Variants in CYS1 observed in about 807,000 individuals in gnomAD.
The protein encoded by CYS1 is cystin 1.
CYS1 carries 5 observed loss-of-function variants against 9.6 expected under a neutral mutation model. The observed-to-expected ratio is 0.52, with a 90% CI of 0.27 to 1.10. The LOEUF (loss-of-function observed/expected upper bound fraction) is 1.10. CYS1 is among the 50% of genes least tolerant of loss of function. The pLI is 0.11. For missense variants in CYS1, 221 were observed against 207.9 expected (o/e 1.06, Z -0.39); for synonymous variants, 88 against 95.7 (o/e 0.92, Z 0.47).
chr2:10,065,854 A>G (rs1361843884), intron 2 of CYS1, 50 bp downstream of exon 2: 3 of 1,601,926 alleles, frequency 1.9e-6, no homozygotes, highest in Non-Finnish European at 2.6e-6. Context: ...GCTGGAGTCA[A>G]CAAAAAGAAC....
chr2:10,058,532 G>A lies in CYS1; in HGVS notation c.*321C>T, dbSNP rs777419628. 1.8e-5 allele frequency: 5 copies of A among 275,440 alleles called. No individual in the cohort carries two copies. Among genetic ancestry groups the A allele is most frequent in the Non-Finnish European group, 3.5e-5 (5 of 143,812 alleles). The allele number at this position is 275,440 out of a possible 1,614,324, so 17.1% of individuals were successfully genotyped here. ...GTCCTCGTGAGCCCTCCCCACTGTGGAGAGCGGGCAACCAAGAGGGGCACG... is the reference window on the plus strand; with the variant it reads ...GTCCTCGTGAGCCCTCCCCACTGTGAAGAGCGGGCAACCAAGAGGGGCACG... On this transcript the variant is annotated 3_prime_UTR_variant, in exon 3 of 3. Transcript: ENST00000381813.
rs1395352748 is a variant in CYS1, at chr2:10,065,788, C to T, written c.371+116G>A. 5 of 1,014,600 alleles carry T rather than the reference C, an allele frequency of 4.9e-6. No individual in the cohort carries two copies. The African/African-American group carries it at 7.9e-5, about 16-fold the overall frequency. 62.8% of individuals were successfully genotyped at this position (1,014,600 alleles called of 1,614,324 possible). A position where few individuals can be genotyped will look rare whatever the true frequency, so the allele number is the denominator to read the frequency against. ...GCTTTGCATTTAGAGGGAGCTGCCT[C>T]TGGAAACCTCGTGAGGACCTGGAGG... is the stretch of plus-strand genomic sequence containing the variant. On this transcript the variant is annotated intron_variant, in intron 2 of 2. Transcript: ENST00000381813.
chr2:10,060,932 G>A (rs1321278503), intron 2 of CYS1, among the ~76,000 whole-genome samples: 1 of 152,130 alleles, frequency 6.6e-6, no homozygotes, highest in Non-Finnish European at 1.5e-5. Flanking sequence ...TGTTAGTTTC[G>A]CAGTGGCTCA....
Position 10,063,900 on chromosome 2 carries a change from A to G in CYS1, c.371+2004T>C, listed in dbSNP as rs1183649261. Among the ~76,000 whole-genome samples, 1 of 152,228 alleles carries G rather than the reference A, an allele frequency of 6.6e-6. No homozygotes were observed. The stretch of plus-strand genomic sequence containing the variant: ...CCCTGGGCACTCCTACGCCTAGGGC[A>G]GCACTCAGGGAGGCTCCCATTAAAG... On this transcript the variant is annotated intron_variant, in intron 2 of 2. Transcript: ENST00000381813. The surrounding 1 kb of genome is among the most constrained non-coding windows in gnomAD (Gnocchi z 4.2).
chr2:10,071,187 G>A (rs768198853), intron 1 of CYS1, among the ~76,000 whole-genome samples: 8 of 152,132 alleles, frequency 5.3e-5, no homozygotes, highest in Non-Finnish European at 8.8e-5. Flanking sequence ...CGCTAGTCTC[G>A]AACTTTTGAC....
chr2:10,063,880 G>A lies in CYS1; in HGVS notation c.371+2024C>T, dbSNP rs1047976750. Reference sequence around the variant, plus strand: ...TGCTGGAGGGGCTGACAGAGCCCTGGGCACTCCTACGCCTAGGGCAGCACT... The same window carrying A: ...TGCTGGAGGGGCTGACAGAGCCCTGAGCACTCCTACGCCTAGGGCAGCACT... On this transcript the variant is annotated intron_variant, in intron 2 of 2. Transcript: ENST00000381813. This position sits in a 1 kb window ranked among gnomAD's most constrained non-coding sequence, Gnocchi z 4.2. Among the ~76,000 whole-genome samples the A allele has an allele frequency of 2.0e-5, 3 of 152,204 alleles. No homozygotes were observed. Among genetic ancestry groups the A allele is most frequent in the African/African-American group, 7.2e-5 (3 of 41,438 alleles).
At chr2:10,077,707 A>T (rs1472463095) in intron 1 of CYS1, among the ~76,000 whole-genome samples, 3 of 152,094 alleles carry the variant, frequency 2.0e-5, no homozygotes, top group Non-Finnish European at 2.9e-5. Context: ...CATCTGTAGT[A>T]TGCAGGCGTT....
At chr2:10,071,222 C>T (rs1419150921) in intron 1 of CYS1, among the ~76,000 whole-genome samples, 1 of 152,240 alleles carries the variant, frequency 6.6e-6, no homozygotes, top group Non-Finnish European at 1.5e-5. Context: ...CGGCCTCGGC[C>T]TCCCAAAGTG....
intron 1 of CYS1, among the ~76,000 whole-genome samples, chr2:10,067,639 TCAAA>T (rs1661715536): frequency 6.6e-6 from 1 of 152,056 alleles, no homozygotes; most frequent in Non-Finnish European, 1.5e-5. Context: ...ACTCCTGGAC[TCAAA>T]CAATCCTCCC....
At chr2:10,058,993 G>C in intron 2 of CYS1, 35 bp from the exon 3 acceptor site, 1 of 1,532,582 alleles carries the variant, frequency 6.5e-7, no homozygotes, top group Non-Finnish European at 8.8e-7. Context: ...CTGTCAGGAG[G>C]CAGGATGGTG....
intron 1 of CYS1, among the ~76,000 whole-genome samples, chr2:10,075,215 G>A (rs558454289): frequency 2.0e-5 from 3 of 152,278 alleles, no homozygotes; most frequent in East Asian, 1.9e-4. Context: ...ACACATTAGT[G>A]ATCCTTTAGA....
chr2:10,067,196 A>G lies in CYS1; in HGVS notation c.319-1240T>C, dbSNP rs539919768. On this transcript the variant is annotated intron_variant, in intron 1 of 2. Transcript: ENST00000381813. ...ACACGCAGCTAATTTTTGTATTTTT[A>G]GTAGAGATGGAGTTTTCCCATGTTG... 2.2e-3 allele frequency among the ~76,000 whole-genome samples: 334 copies of G among 151,984 alleles called. 1 individual carries two copies. The highest frequency in any genetic ancestry group is 7.9e-3 in the African/African-American group (327 of 41,446).
intron 1 of CYS1, among the ~76,000 whole-genome samples, chr2:10,074,226 C>G (rs1403249913): frequency 1.3e-5 from 2 of 152,184 alleles, no homozygotes; most frequent in Non-Finnish European, 2.9e-5. Context: ...TTTCGGACAG[C>G]CCACGGAAAT....
chr2:10,066,068 T>C, intron 1 of CYS1, 112 bp from the exon 2 acceptor site: 1 of 1,217,632 alleles, frequency 8.2e-7, no homozygotes. Context: ...CCAGGATCCA[T>C]AAGCCTCGGA....
At chr2:10,074,184 C>T (rs557522935) in intron 1 of CYS1, among the ~76,000 whole-genome samples, 2 of 152,322 alleles carry the variant, frequency 1.3e-5, no homozygotes, top group South Asian at 4.1e-4. Flanking sequence ...ATGACAGCTC[C>T]AGCTCCAACC....
rs1661581628 is a variant in CYS1 at position 10,058,540 on chromosome 2, G to A, written c.*313C>T. The A allele has an allele frequency of 3.5e-6, 1 of 287,240 alleles. No individual in the cohort carries two copies. Among genetic ancestry groups the A allele is most frequent in the African/African-American group, 2.1e-5 (1 of 47,048 alleles). 17.8% of individuals were successfully genotyped at this position (287,240 alleles called of 1,614,324 possible). A position where few individuals can be genotyped will look rare whatever the true frequency, so the allele number is the denominator to read the frequency against. The stretch of plus-strand genomic sequence containing the variant: ...GAGCCCTCCCCACTGTGGAGAGCGG[G>A]CAACCAAGAGGGGCACGCATTTCAG... On this transcript the variant is annotated 3_prime_UTR_variant, in exon 3 of 3. Coordinates refer to ENST00000381813, the MANE Select transcript of CYS1 (RefSeq NM_001037160.3).
intron 1 of CYS1, among the ~76,000 whole-genome samples, chr2:10,078,572 C>T (rs1274867002): frequency 6.6e-6 from 1 of 152,236 alleles, no homozygotes; most frequent in African/African-American, 2.4e-5. Flanking sequence ...GCCTGGATCA[C>T]GTCCACAGAC....
At chr2:10,073,218 C>A (rs1026791502) in intron 1 of CYS1, among the ~76,000 whole-genome samples, 4 of 140,908 alleles carry the variant, frequency 2.8e-5, no homozygotes, top group South Asian at 2.3e-4. Flanking sequence ...CGCCCCCCCC[C>A]CCCCCCCGGC....
chr2:10,065,899 C>A lies in CYS1; in HGVS notation c.371+5G>T. ...CTGGGAGAGATGTGCCTCCCTGGTA[C>A]TTACTCAGAGACATTGCCGCTCCCC... On this transcript the variant is annotated splice_donor_5th_base_variant and intron_variant, in intron 2 of 2. Coordinates refer to ENST00000381813, the MANE Select transcript of CYS1 (RefSeq NM_001037160.3). 1 of 1,614,156 alleles carries A rather than the reference C, an allele frequency of 6.2e-7. No individual in the cohort carries two copies. The highest frequency in any genetic ancestry group is 8.5e-7 in the Non-Finnish European group (1 of 1,180,012).
Sources: gnomAD v4.1 joint callset for allele counts (sites outside exome capture counted in the v4.1 genomes callset) on GRCh38, gnomAD v4.1.1 for gene constraint, Gnocchi (gnomAD v3.1) non-coding constraint, MANE v1.5 for transcripts, NCBI Gene and HGNC (gene_info 2026-07-23, HGNC 2026-07-21) for gene names.